The following SCNN1A variants were observed in gnomAD, a reference collection of about 807,000 sequenced individuals.
The protein encoded by SCNN1A is epithelial sodium channel subunit alpha.
In SCNN1A, 65 loss-of-function variants were observed where a neutral mutation model predicts 68.6. The ratio of observed to expected loss-of-function variants is 0.95; its 90% CI spans 0.78 to 1.16. SCNN1A has a LOEUF of 1.16. Among genes scored for constraint, SCNN1A ranks in the 50% most tolerant of loss-of-function variants. SCNN1A has a pLI of 0.00. For synonymous variants in SCNN1A, 357 were observed against 353.3 expected (o/e 1.01, Z -0.12); for missense variants, 880 against 865.9 (o/e 1.02, Z -0.20).
chr12:6,355,501 A>G, intron 5 of SCNN1A, 66 bp from the exon 6 acceptor site: 1 of 1,559,554 alleles, frequency 6.4e-7, no homozygotes, highest in Non-Finnish European at 8.8e-7. Flanking sequence ...GGAGATGGAA[A>G]TCCACTCTCC....
chr12:6,375,298 C>G (rs72645132), intron 1 of SCNN1A: 278 of 1,438,754 alleles, frequency 1.9e-4, no homozygotes, highest in African/African-American at 6.7e-4. Context: ...TCCTCTCCCC[C>G]CCTTGCCTTG....
At chr12:6,367,649 G>A (rs1210690221) in intron 2 of SCNN1A, among the ~76,000 whole-genome samples, 3 of 152,188 alleles carry the variant, frequency 2.0e-5, no homozygotes, top group Non-Finnish European at 4.4e-5. Context: ...AGGGGGCACC[G>A]GGTAATGGGA....
At chr12:6,359,303 G>A (rs936235131) in intron 4 of SCNN1A, among the ~76,000 whole-genome samples, 1 of 152,160 alleles carries the variant, frequency 6.6e-6, no homozygotes, top group African/African-American at 2.4e-5. Context: ...GGGGAAAAGG[G>A]TGTAGTTATC....
chr12:6,369,418 GCTCCCAGCC>G (rs1457630847), intron 2 of SCNN1A, among the ~76,000 whole-genome samples: 1 of 150,702 alleles, frequency 6.6e-6, no homozygotes, highest in East Asian at 1.9e-4. Flanking sequence ...CACAGCCTGG[GCTCCCAGCC>G]CTTGATCCCA....
At chr12:6,355,945 G>A in intron 4 of SCNN1A, 65 bp from the exon 5 acceptor site, 2 of 1,014,902 alleles carry the variant, frequency 2.0e-6, no homozygotes, top group Non-Finnish European at 3.2e-6. Context: ...ATAGGGAGAT[G>A]AGGCAGAGAG....
intron 4 of SCNN1A, among the ~76,000 whole-genome samples, chr12:6,359,059 A>C (rs1257912025): frequency 6.6e-6 from 1 of 152,190 alleles, no homozygotes; most frequent in African/African-American, 2.4e-5. Context: ...ATAGAGACAG[A>C]AAGCAGAAGA....
chr12:6,376,813 G>A (rs1948920704), upstream of SCNN1A, among the ~76,000 whole-genome samples: 1 of 152,196 alleles, frequency 6.6e-6, no homozygotes, highest in African/African-American at 2.4e-5. Context: ...GCAGGAATGT[G>A]GTCACTGGCT....
chr12:6,361,478 G>A (rs1465739497), intron 4 of SCNN1A, among the ~76,000 whole-genome samples: 3 of 152,156 alleles, frequency 2.0e-5, no homozygotes, highest in Non-Finnish European at 4.4e-5. Context: ...GGTGGCTCAC[G>A]CCTGTAATCC....
At chr12:6,376,187 C>G, upstream of SCNN1A, 1 of 985,180 alleles carries the variant, frequency 1.0e-6, no homozygotes, top group Non-Finnish European at 1.2e-6. Flanking sequence ...TAAGTGGGAG[C>G]AGCGCACTCA....
upstream of SCNN1A, among the ~76,000 whole-genome samples, chr12:6,376,548 C>T (rs1948913278): frequency 6.6e-6 from 1 of 152,160 alleles, no homozygotes; most frequent in Admixed American, 6.5e-5. Flanking sequence ...ATGGCACACG[C>T]CTAGACAGGC....
chr12:6,352,714 C>T (rs541089751), intron 8 of SCNN1A, among the ~76,000 whole-genome samples: 1 of 152,318 alleles, frequency 6.6e-6, no homozygotes, highest in South Asian at 2.1e-4. Flanking sequence ...TTCTGATGTG[C>T]TACAATCCTC....
chr12:6,376,001 A>C (rs1271070772), upstream of SCNN1A: 2 of 1,006,686 alleles, frequency 2.0e-6, no homozygotes, highest in Non-Finnish European at 2.4e-6. Context: ...AGAAGGAGCC[A>C]GCACCAAAGG....
rs1948616637 is a variant in SCNN1A, at chr12:6,363,429, G to GC, written c.684+13dup. ...CGAGGGGCGGGGCGGGCCCCTCGGC[G>GC]CTGCGGGCCTCACCAGCTGGAAGCC... is the stretch of plus-strand genomic sequence containing the variant. On this transcript the variant is annotated intron_variant, in intron 3 of 12. Transcript: ENST00000228916. 2.6e-6 allele frequency: 4 copies of GC among 1,533,430 alleles called. No homozygotes were observed. The allele number at this position is 1,533,430 out of a possible 1,614,324, so 95.0% of individuals were successfully genotyped here. A position where few individuals can be genotyped will look rare whatever the true frequency, so the allele number is the denominator to read the frequency against.
intron 2 of SCNN1A, among the ~76,000 whole-genome samples, chr12:6,364,830 A>G (rs1948648814): frequency 6.6e-6 from 1 of 152,222 alleles, no homozygotes; most frequent in Non-Finnish European, 1.5e-5. Flanking sequence ...CATGCTGGCA[A>G]CAGAAAATTG....
chr12:6,349,151 C>T lies in SCNN1A; in HGVS notation c.1497+13G>A. ...CACACACATCCCCCACCCATCCCTTCCCCACACTCTACCTGGGATGTCACC... is the reference window on the plus strand; with the variant it reads ...CACACACATCCCCCACCCATCCCTTTCCCACACTCTACCTGGGATGTCACC... On this transcript the variant is annotated intron_variant, in intron 10 of 12. Transcript: ENST00000228916. 1.2e-6 allele frequency: 2 copies of T among 1,612,458 alleles called. No individual in the cohort carries two copies. Among genetic ancestry groups the T allele is most frequent in the Middle Eastern group, 1.7e-4 (1 of 5,890 alleles).
chr12:6,357,397 A>G (rs1330882785), intron 4 of SCNN1A, among the ~76,000 whole-genome samples: 1 of 152,014 alleles, frequency 6.6e-6, no homozygotes, highest in East Asian at 1.9e-4. Flanking sequence ...AACATGGTGA[A>G]ACCCCGTCTC....
At position 6,374,574 on chromosome 12, in the gene SCNN1A, G is replaced by A. The variant is rs368475363; in HGVS notation, c.210C>T (p.Gly70=). Residue 70 remains glycine, a synonymous_variant, in exon 2 of 13, where the codon GGC becomes GGT. Transcript: ENST00000228916. The surrounding 1 kb of genome is among the most constrained non-coding windows in gnomAD (Gnocchi z 6.2). The part of the protein sequence containing the change: ...EFFCNNTTIH[G]AIRLVCSQHN... ...GCTGGGAGCACACCAGGCGGATGGC[G>A]CCGTGGATGGTGGTGTTGTTGCAGA... 203 of 1,614,012 alleles carry A rather than the reference G, an allele frequency of 1.3e-4. No individual in the cohort carries two copies. Among genetic ancestry groups the A allele is most frequent in the Non-Finnish European group, 1.4e-4 (169 of 1,180,034 alleles).
chr12:6,376,748 C>T (rs1023643966), upstream of SCNN1A, among the ~76,000 whole-genome samples: 3 of 152,124 alleles, frequency 2.0e-5, no homozygotes, highest in Admixed American at 6.5e-5. Flanking sequence ...AGGCCCTGCA[C>T]GCGGCAGGGA....
In SCNN1A at chr12:6,365,090, G is replaced by A. The variant is rs1035954606; in HGVS notation, c.417-1380C>T. Reference sequence around the variant, plus strand: ...CAAGCTGGGGTGCAGTGACACAATCGCCGCTCACTGCAGCCTCCTCCTGGG... The same window carrying A: ...CAAGCTGGGGTGCAGTGACACAATCACCGCTCACTGCAGCCTCCTCCTGGG... On this transcript the variant is annotated intron_variant, in intron 2 of 12. Coordinates refer to ENST00000228916, the MANE Select transcript of SCNN1A (RefSeq NM_001038.6). Among the ~76,000 whole-genome samples, 7 of 145,282 alleles carry A rather than the reference G, an allele frequency of 4.8e-5. No homozygotes were observed. In the East Asian group the frequency reaches 8.1e-4, roughly 17 times the overall value.
Sources: allele counts gnomAD v4.1 joint callset (sites outside exome capture counted in the v4.1 genomes callset), GRCh38; gene constraint gnomAD v4.1.1; non-coding constraint Gnocchi (gnomAD v3.1); transcripts MANE v1.5; gene names NCBI Gene and HGNC (gene_info 2026-07-23, HGNC 2026-07-21).